Variants in LPCAT2 observed in about 807,000 individuals in gnomAD.
LPCAT2 encodes 1-AGP acyltransferase 11.
LPCAT2 carries 58 observed loss-of-function variants against 64.7 expected under a neutral mutation model. The ratio of observed to expected loss-of-function variants is 0.90; its 90% CI spans 0.73 to 1.12. The LOEUF is 1.12. Ranked by LOEUF, LPCAT2 falls within the 50% of genes most tolerant of loss-of-function variation. The pLI, the probability that LPCAT2 is intolerant of heterozygous loss-of-function variation, is 0.00. For synonymous variants in LPCAT2, 252 were observed against 245.3 expected, an observed-to-expected ratio of 1.03 and a Z score of -0.26; for missense variants, 579 against 669.8, an observed-to-expected ratio of 0.86 and a Z score of 1.50.
At chr16:55,524,919 G>T (rs1963147911) in intron 1 of LPCAT2, among the ~76,000 whole-genome samples, 1 of 151,896 alleles carries the variant, frequency 6.6e-6, no homozygotes, top group Non-Finnish European at 1.5e-5. Flanking sequence ...GCTTAGAATG[G>T]CTGGTGTATT....
intron 6 of LPCAT2, 100 bp downstream of exon 6, chr16:55,532,982 A>C: frequency 1.0e-6 from 1 of 974,332 alleles, no homozygotes; most frequent in Non-Finnish European, 1.5e-6. Context: ...TGAACAGATA[A>C]ATGGTGGAAG....
intron 9 of LPCAT2, among the ~76,000 whole-genome samples, chr16:55,547,737 C>A (rs1237537138): frequency 6.6e-6 from 1 of 151,944 alleles, no homozygotes; most frequent in Non-Finnish European, 1.5e-5. Flanking sequence ...AATCAAAGAG[C>A]TTAGAAAAAA....
intron 11 of LPCAT2, among the ~76,000 whole-genome samples, chr16:55,570,109 C>T (rs527324931): frequency 5.5e-4 from 84 of 152,104 alleles, no homozygotes; most frequent in African/African-American, 1.9e-3. Flanking sequence ...TTCAAAAGAT[C>T]CCATGTGATT....
At chr16:55,523,952 T>C (rs1368822384) in intron 1 of LPCAT2, among the ~76,000 whole-genome samples, 4 of 151,984 alleles carry the variant, frequency 2.6e-5, no homozygotes, top group Admixed American at 6.5e-5. Flanking sequence ...CCAAACCAAA[T>C]GCAAGGATGT....
chr16:55,512,062 T>C (rs1452872217), intron 1 of LPCAT2, among the ~76,000 whole-genome samples: 3 of 152,202 alleles, frequency 2.0e-5, no homozygotes, highest in Non-Finnish European at 4.4e-5. Context: ...TAGCTAAAAA[T>C]AGTGTGCTTA....
Position 55,574,717 on chromosome 16 carries a change from G to C in LPCAT2, c.1302G>C (p.Gln434His). 3 of 1,613,332 alleles carry C rather than the reference G, an allele frequency of 1.9e-6. No individual in the cohort carries two copies. The highest frequency in any genetic ancestry group is 2.2e-5 in the South Asian group (2 of 91,070). Residue 434 changes from glutamine to histidine, a missense_variant, in exon 12 of 14, where the codon CAG (glutamine) becomes CAC (histidine). Coordinates refer to ENST00000262134, the MANE Select transcript of LPCAT2 (RefSeq NM_017839.5). ...CTTCCAACACAGAGGAGATCATCCA[G>C]GTGGCATTTAAGGTACTGTCAGCCC... Reference protein sequence around the residue: ...CNPSNTEEIIQVAFKLFDVDE... With the variant: ...CNPSNTEEIIHVAFKLFDVDE...
chr16:55,509,253 G>A lies in LPCAT2; in HGVS notation c.72G>A (p.Leu24=). 2 of 1,495,218 alleles carry A rather than the reference G, an allele frequency of 1.3e-6. No individual in the cohort carries two copies. The highest frequency in any genetic ancestry group is 9.0e-7 in the Non-Finnish European group (1 of 1,115,410). 92.6% of individuals were successfully genotyped at this position (1,495,218 alleles called of 1,614,324 possible). The part of the protein sequence containing the change: ...VPGAGVGNVG[L]RPPMVPRQAS... ...GTGCCGGCGTCGGGAACGTGGGGCT[G>A]CGGCCGCCCATGGTGCCCCGTCAGG... Residue 24 remains leucine (L), a synonymous_variant, in exon 1 of 14, where the codon CTG becomes CTA. Transcript: ENST00000262134.
At chr16:55,564,781 C>G (rs1425995239) in intron 11 of LPCAT2, among the ~76,000 whole-genome samples, 10 of 152,000 alleles carry the variant, frequency 6.6e-5, no homozygotes, top group Admixed American at 2.6e-4. Flanking sequence ...CACTGGATTT[C>G]TCAATGATTT....
chr16:55,513,412 T>G (rs1467539569), intron 1 of LPCAT2, among the ~76,000 whole-genome samples: 1 of 151,938 alleles, frequency 6.6e-6, no homozygotes, highest in Non-Finnish European at 1.5e-5. Flanking sequence ...TCACTAGAAA[T>G]TATTCAGTCT....
At chr16:55,517,314 T>C (rs1963026619) in intron 1 of LPCAT2, among the ~76,000 whole-genome samples, 1 of 152,038 alleles carries the variant, frequency 6.6e-6, no homozygotes, top group African/African-American at 2.4e-5. Context: ...AAAAATCAAA[T>C]AGACCTATAA....
chr16:55,579,766 T>C (rs1487829374), intron 13 of LPCAT2, among the ~76,000 whole-genome samples: 1 of 152,184 alleles, frequency 6.6e-6, no homozygotes, highest in Non-Finnish European at 1.5e-5. Flanking sequence ...TTTATTGATG[T>C]TTACTATTAG....
chr16:55,519,035 G>C (rs1963053823), intron 1 of LPCAT2, among the ~76,000 whole-genome samples: 1 of 152,140 alleles, frequency 6.6e-6, no homozygotes, highest in Non-Finnish European at 1.5e-5. Context: ...CATTTGATAA[G>C]AGTAGAGTGT....
At chr16:55,565,530 A>G (rs1176487399) in intron 11 of LPCAT2, among the ~76,000 whole-genome samples, 1 of 152,132 alleles carries the variant, frequency 6.6e-6, no homozygotes, top group African/African-American at 2.4e-5. Flanking sequence ...TTAGAAAGGA[A>G]GGGAATTCTG....
chr16:55,522,910 CAGA>C (rs1314041502), intron 1 of LPCAT2, among the ~76,000 whole-genome samples: 7 of 151,216 alleles, frequency 4.6e-5, no homozygotes, highest in African/African-American at 1.7e-4. Context: ...AAGATTTTTT[CAGA>C]AGGACACAGA....
chr16:55,509,202 G>C lies in LPCAT2; in HGVS notation c.21G>C (p.Ala7=). 2 of 1,405,514 alleles carry C rather than the reference G, an allele frequency of 1.4e-6. No homozygotes were observed. The highest frequency in any genetic ancestry group is 1.9e-6 in the Non-Finnish European group (2 of 1,074,302). 87.1% of individuals were successfully genotyped at this position (1,405,514 alleles called of 1,614,324 possible). The part of the protein sequence containing the change: MSRCAQ[A]AEVAATVPGA... ...CAACTATGAGCCGGTGCGCCCAGGC[G>C]GCGGAAGTGGCGGCCACAGTGCCAG... Residue 7 remains alanine, a synonymous_variant, in exon 1 of 14, where the codon GCG becomes GCC. Transcript: ENST00000262134.
intron 11 of LPCAT2, 64 bp from the exon 12 acceptor site, chr16:55,574,567 G>A (rs1470118912): frequency 1.8e-6 from 2 of 1,098,920 alleles, no homozygotes; most frequent in Admixed American, 3.4e-5. Context: ...ATTTTACCTT[G>A]TAGTAGGATT....
chr16:55,509,417 G>T (rs1490855401), intron 1 of LPCAT2, 65 bp downstream of exon 1: 4 of 1,317,036 alleles, frequency 3.0e-6, no homozygotes, highest in Non-Finnish European at 3.9e-6. Context: ...GGGGGTCCAG[G>T]TAAGGGGTGT....
chr16:55,547,444 C>G (rs746017510), intron 9 of LPCAT2, among the ~76,000 whole-genome samples: 3 of 152,140 alleles, frequency 2.0e-5, no homozygotes, highest in Non-Finnish European at 4.4e-5. Context: ...ATGATAAAAG[C>G]ATTGGAAAAC....
intron 9 of LPCAT2, among the ~76,000 whole-genome samples, chr16:55,546,689 A>G (rs896089794): frequency 2.9e-4 from 44 of 152,358 alleles, no homozygotes; most frequent in African/African-American, 1.0e-3. Flanking sequence ...TCAAAATAGA[A>G]TAAATGTTTG....
Sources: allele counts gnomAD v4.1 joint callset (sites outside exome capture counted in the v4.1 genomes callset), GRCh38; gene constraint gnomAD v4.1.1; transcripts MANE v1.5; gene names NCBI Gene and HGNC (gene_info 2026-07-23, HGNC 2026-07-21).